TOMM5: variants seen among roughly 807,000 people sequenced by gnomAD.
TOMM5 encodes the protein translocase of outer mitochondrial membrane 5.
TOMM5 carries 1 observed loss-of-function variant against 4.8 expected under a neutral mutation model. The observed-to-expected ratio is 0.21, with a 90% CI of 0.07 to 0.99. TOMM5 has a LOEUF of 0.99. TOMM5 is among the 50% of genes least tolerant of loss of function. The pLI is 0.60. For missense variants in TOMM5, 60 were observed against 66.6 expected, an observed-to-expected ratio of 0.90 and a Z score of 0.35; for synonymous variants, 26 against 26.7, an observed-to-expected ratio of 0.97 and a Z score of 0.08.
rs1823120612 is a variant in TOMM5 at position 37,592,392 on chromosome 9, A to ACAGC, written c.121+16_121+19dup. Reference sequence around the variant, plus strand: ...TGAGCTCCCCGCTGGTCTCACAGTCACAGCCCGGGAGACACTCACTGACTC... The same window carrying ACAGC: ...TGAGCTCCCCGCTGGTCTCACAGTCACAGCCAGCCCGGGAGACACTCACTGACTC... On this transcript the variant is annotated intron_variant, in intron 1 of 1. Transcript: ENST00000321301. 1 of 1,613,938 alleles carries ACAGC rather than the reference A, an allele frequency of 6.2e-7. No individual in the cohort carries two copies. The highest frequency in any genetic ancestry group is 1.3e-5 in the African/African-American group (1 of 75,032).
intron 1 of TOMM5, among the ~76,000 whole-genome samples, chr9:37,590,076 G>A (rs1823077085): frequency 1.3e-5 from 2 of 152,176 alleles, no homozygotes; most frequent in African/African-American, 2.4e-5. Context: ...AAAAGGCCAT[G>A]CATTTGACAA....
chr9:37,590,180 C>T (rs1823078846), intron 1 of TOMM5, among the ~76,000 whole-genome samples: 1 of 152,088 alleles, frequency 6.6e-6, no homozygotes, highest in Admixed American at 6.5e-5. Context: ...ATTGATCGAG[C>T]CCAATAGTTT....
chr9:37,591,851 TTC>T (rs1823108226), intron 1 of TOMM5, among the ~76,000 whole-genome samples: 1 of 152,172 alleles, frequency 6.6e-6, no homozygotes, highest in Non-Finnish European at 1.5e-5. Flanking sequence ...ATGGTTCTGT[TTC>T]TCTGTTTCTC....
intron 1 of TOMM5, among the ~76,000 whole-genome samples, chr9:37,589,407 T>C (rs1381673623): frequency 6.6e-6 from 1 of 152,198 alleles, no homozygotes; most frequent in Non-Finnish European, 1.5e-5. Context: ...TCACTTAACA[T>C]ACTCTAGATC....
At position 37,588,692 on chromosome 9, in the gene TOMM5, C is replaced by G. The variant is rs578068241; in HGVS notation, c.*206G>C. On this transcript the variant is annotated 3_prime_UTR_variant, in exon 2 of 2. Coordinates refer to ENST00000321301, the MANE Select transcript of TOMM5 (RefSeq NM_001001790.3). ...TCACAGGGATAAGGGTACACCAGAT[C>G]ACGAGACATCGTTTCATACTTCCCA... 2.3e-5 allele frequency: 16 copies of G among 695,178 alleles called. No individual in the cohort carries two copies. Among genetic ancestry groups the G allele is most frequent in the African/African-American group, 2.3e-4 (13 of 57,104 alleles). The allele number at this position is 695,178 out of a possible 1,614,324, so 43.1% of individuals were successfully genotyped here.
intron 1 of TOMM5, 23 bp downstream of exon 1, chr9:37,592,389 G>A (rs761847415): frequency 1.2e-6 from 2 of 1,613,886 alleles, no homozygotes; most frequent in Admixed American, 1.7e-5. Flanking sequence ...TGGTCTCACA[G>A]TCACAGCCCG....
intron 1 of TOMM5, among the ~76,000 whole-genome samples, chr9:37,589,231 T>C (rs1305141854): frequency 2.0e-5 from 3 of 152,244 alleles, no homozygotes; most frequent in African/African-American, 7.2e-5. Flanking sequence ...GGCTTTACTC[T>C]AGCGATTTAT....
intron 1 of TOMM5, chr9:37,592,160 C>T: frequency 6.9e-7 from 1 of 1,441,210 alleles, no homozygotes; most frequent in Non-Finnish European, 9.2e-7. Flanking sequence ...CGCCCGGCAG[C>T]TCAAACATTC....
In TOMM5 at chr9:37,588,827, T is replaced by G; in HGVS notation, c.*71A>C. The G allele has an allele frequency of 6.9e-7, 1 of 1,454,466 alleles. No homozygotes were observed. Among genetic ancestry groups the G allele is most frequent in the Non-Finnish European group, 9.7e-7 (1 of 1,034,418 alleles). The allele number at this position is 1,454,466 out of a possible 1,614,324, so 90.1% of individuals were successfully genotyped here. On this transcript the variant is annotated 3_prime_UTR_variant, in exon 2 of 2. Coordinates refer to ENST00000321301, the MANE Select transcript of TOMM5 (RefSeq NM_001001790.3). ...GTCTCTTACACCTTTCTGGGCCTAT[T>G]CACTTGCAGAGAGGAGTCGAAACTG... is the stretch of plus-strand genomic sequence containing the variant.
chr9:37,591,347 A>G (rs1483272637), intron 1 of TOMM5, among the ~76,000 whole-genome samples: 1 of 152,162 alleles, frequency 6.6e-6, no homozygotes, highest in African/African-American at 2.4e-5. Flanking sequence ...CCCTCTATAC[A>G]AAGAAACAGA....
chr9:37,589,021 T>G, intron 1 of TOMM5, 89 bp from the exon 2 acceptor site: 2 of 1,204,714 alleles, frequency 1.7e-6, no homozygotes, highest in Non-Finnish European at 2.4e-6. Context: ...CAACATGTTT[T>G]TGAAAATAAC....
intron 1 of TOMM5, 158 bp downstream of exon 1, chr9:37,592,254 T>G (rs1365457254): frequency 8.4e-6 from 13 of 1,547,728 alleles, no homozygotes; most frequent in Non-Finnish European, 1.1e-5. Flanking sequence ...CCCGCAGACC[T>G]CAAACCGCGC....
chr9:37,592,334 G>A, intron 1 of TOMM5, 78 bp downstream of exon 1: 1 of 1,603,882 alleles, frequency 6.2e-7, no homozygotes, highest in Non-Finnish European at 8.5e-7. Flanking sequence ...CGAAGGCCCC[G>A]ATGACCCCTT....
chr9:37,589,099 C>CCATTCCACTGT (rs1433875942), intron 1 of TOMM5, among the ~76,000 whole-genome samples, 167 bp from the exon 2 acceptor site: 1 of 152,222 alleles, frequency 6.6e-6, no homozygotes, highest in Non-Finnish European at 1.5e-5. Context: ...CCAAAGCAGC[C>CCATTCCACTGT]CATTCCACTG....
chr9:37,589,754 TC>T (rs1823072556), intron 1 of TOMM5, among the ~76,000 whole-genome samples: 2 of 152,124 alleles, frequency 1.3e-5, no homozygotes, highest in South Asian at 4.1e-4. Flanking sequence ...ACTCCTGAGC[TC>T]GAACAATCTG....
rs1419937787 is a variant in TOMM5, at chr9:37,588,422, T to C, written c.*476A>G. 1.5e-5 allele frequency: 3 copies of C among 194,472 alleles called. No individual in the cohort carries two copies. The highest frequency in any genetic ancestry group is 1.4e-4 in the East Asian group (1 of 7,172). 12.0% of individuals were successfully genotyped at this position (194,472 alleles called of 1,614,324 possible). A position where few individuals can be genotyped will look rare whatever the true frequency, so the allele number is the denominator to read the frequency against. ...AAAATAGAAACCCAACTTTTCTTAA[T>C]TGATATGTTTATTAAAAACATAGAC... is the stretch of plus-strand genomic sequence containing the variant. On this transcript the variant is annotated 3_prime_UTR_variant, in exon 2 of 2. Transcript: ENST00000321301.
At chr9:37,591,587 G>A (rs1823102540) in intron 1 of TOMM5, among the ~76,000 whole-genome samples, 1 of 151,972 alleles carries the variant, frequency 6.6e-6, no homozygotes, top group Non-Finnish European at 1.5e-5. Flanking sequence ...AGCTACTTGG[G>A]AGGCTGAGGT....
At chr9:37,591,894 G>A (rs1046524968) in intron 1 of TOMM5, among the ~76,000 whole-genome samples, 6 of 152,012 alleles carry the variant, frequency 3.9e-5, no homozygotes, top group African/African-American at 1.2e-4. Context: ...TTCCTCTAGG[G>A]ATAATTACTT....
intron 1 of TOMM5, chr9:37,592,157 C>A (rs1823112905): frequency 2.8e-6 from 4 of 1,413,980 alleles, no homozygotes; most frequent in Non-Finnish European, 3.8e-6. Flanking sequence ...ACGCGCCCGG[C>A]AGCTCAAACA....
Sources: allele counts gnomAD v4.1 joint callset (sites outside exome capture counted in the v4.1 genomes callset), GRCh38; gene constraint gnomAD v4.1.1; transcripts MANE v1.5; gene names NCBI Gene and HGNC (gene_info 2026-07-23, HGNC 2026-07-21).